NTM: variants seen among roughly 807,000 people sequenced by gnomAD.
The protein encoded by NTM is neurotrimin, also known as IgLON family member 2.
A neutral mutation model predicts 42.1 loss-of-function variants in NTM; 13 were observed. The ratio of observed to expected loss-of-function variants is 0.31; its 90% confidence interval spans 0.20 to 0.49. The LOEUF (loss-of-function observed/expected upper bound fraction) is 0.49, where lower values mean the gene tolerates loss of function less well. NTM is among the 20% of genes least tolerant of loss of function. NTM has a pLI of 0.99. For missense variants in NTM, 373 were observed against 452.8 expected (o/e 0.82, Z 1.60); for synonymous variants, 187 against 179.2 (o/e 1.04, Z -0.35).
intron 1 of NTM, among the ~76,000 whole-genome samples, chr11:131,619,503 T>C (rs181861781): frequency 1.2e-3 from 181 of 152,208 alleles, no homozygotes; most frequent in Non-Finnish European, 1.9e-3. Flanking sequence ...AAGAAAGAAA[T>C]TGAAAGTAGA....
At chr11:131,800,709 T>A (rs984859607) in intron 1 of NTM, among the ~76,000 whole-genome samples, 1 of 152,138 alleles carries the variant, frequency 6.6e-6, no homozygotes, top group Non-Finnish European at 1.5e-5. Context: ...TCTCCCCCGC[T>A]CTATGGTTGC....
intron 1 of NTM, among the ~76,000 whole-genome samples, chr11:131,905,740 C>T (rs1282853910): frequency 6.6e-5 from 10 of 152,242 alleles, no homozygotes; most frequent in South Asian, 2.1e-4. Context: ...GGGAGGCCCA[C>T]GTTACTTTTG....
chr11:131,594,641 C>T (rs894525596), intron 1 of NTM, among the ~76,000 whole-genome samples: 10 of 152,192 alleles, frequency 6.6e-5, no homozygotes, highest in African/African-American at 2.4e-4. Flanking sequence ...TCAAGCCGTC[C>T]TCTTACCTCA....
At chr11:131,637,644 T>C (rs771067034) in intron 1 of NTM, among the ~76,000 whole-genome samples, 6 of 151,744 alleles carry the variant, frequency 4.0e-5, no homozygotes, top group Non-Finnish European at 8.8e-5. Flanking sequence ...GGGTAGTAAT[T>C]ATCTGCTCAT....
At chr11:131,937,016 A>G (rs1245847167) in intron 2 of NTM, among the ~76,000 whole-genome samples, 2 of 152,244 alleles carry the variant, frequency 1.3e-5, no homozygotes, top group African/African-American at 4.8e-5. Context: ...TCTTAGGTCC[A>G]AAGAAAAAGG....
At chr11:132,030,296 C>G (rs2075750561) in intron 2 of NTM, among the ~76,000 whole-genome samples, 1 of 152,140 alleles carries the variant, frequency 6.6e-6, no homozygotes, top group African/African-American at 2.4e-5. Flanking sequence ...TGTGTCTAAG[C>G]TAGTCCAATT....
In NTM at chr11:132,330,143, T is replaced by TTTC. The variant is rs2095772446; in HGVS notation, c.935-7_935-5dup. 1.3e-6 allele frequency: 2 copies of TTTC among 1,551,600 alleles called. No individual in the cohort carries two copies. Among genetic ancestry groups the TTTC allele is most frequent in the African/African-American group, 2.7e-5 (2 of 73,056 alleles). On this transcript the variant is annotated splice_polypyrimidine_tract_variant and intron_variant, in intron 7 of 8. Coordinates refer to ENST00000683400, the MANE Select transcript of NTM (RefSeq NM_001352005.2). The stretch of plus-strand genomic sequence containing the variant: ...GACCTTAACAGTGGCTTGTTTTTAA[T>TTTC]TTCTTTTAGAAGTGAAAACTACAGC...
chr11:132,160,407 C>T (rs967077594), intron 3 of NTM, among the ~76,000 whole-genome samples: 7 of 152,198 alleles, frequency 4.6e-5, no homozygotes, highest in African/African-American at 1.7e-4. Context: ...CCCTTCACCC[C>T]TCTCCTACCA....
At chr11:131,582,991 A>G (rs2058548710) in intron 1 of NTM, among the ~76,000 whole-genome samples, 1 of 152,212 alleles carries the variant, frequency 6.6e-6, no homozygotes, top group Non-Finnish European at 1.5e-5. Flanking sequence ...CTGTAGGACG[A>G]TGGCTCCGAA....
intron 2 of NTM, among the ~76,000 whole-genome samples, chr11:131,965,197 G>T (rs1049721648): frequency 6.6e-6 from 1 of 152,118 alleles, no homozygotes; most frequent in African/African-American, 2.4e-5. Flanking sequence ...AGAGTATCAG[G>T]AGGAACATAT....
At chr11:132,112,791 A>G (rs1437387256) in intron 2 of NTM, among the ~76,000 whole-genome samples, 1 of 151,838 alleles carries the variant, frequency 6.6e-6, no homozygotes, top group East Asian at 1.9e-4. Context: ...TTAGCAGGAG[A>G]GGCTGCTGAT....
chr11:131,576,690 C>T (rs935947695), intron 1 of NTM, among the ~76,000 whole-genome samples: 9 of 152,174 alleles, frequency 5.9e-5, no homozygotes, highest in Non-Finnish European at 1.3e-4. Context: ...TTCCAAGACC[C>T]TTCCAAGAAT....
chr11:131,734,739 A>C (rs1443813980), intron 1 of NTM, among the ~76,000 whole-genome samples: 1 of 152,216 alleles, frequency 6.6e-6, no homozygotes, highest in African/African-American at 2.4e-5. Flanking sequence ...ATCATTATTA[A>C]TAAACTAAAT....
At chr11:132,304,468 C>T (rs1213642989) in intron 4 of NTM, among the ~76,000 whole-genome samples, 1 of 151,858 alleles carries the variant, frequency 6.6e-6, no homozygotes, top group Non-Finnish European at 1.5e-5. Flanking sequence ...TGATAAAGCA[C>T]TGATCACTTC....
chr11:131,651,421 C>T (rs2134340374), intron 1 of NTM, among the ~76,000 whole-genome samples: 1 of 152,320 alleles, frequency 6.6e-6, no homozygotes, highest in Middle Eastern at 3.4e-3. Flanking sequence ...CCATAGTAAA[C>T]TTTAAGCAAG....
chr11:132,037,990 TA>T (rs2076713220), intron 2 of NTM, among the ~76,000 whole-genome samples: 1 of 152,216 alleles, frequency 6.6e-6, no homozygotes. Flanking sequence ...ATTAACTATG[TA>T]AATAGGCAGA....
intron 1 of NTM, among the ~76,000 whole-genome samples, chr11:131,580,415 C>T (rs1008376357): frequency 4.6e-5 from 7 of 152,168 alleles, no homozygotes; most frequent in African/African-American, 1.7e-4. Flanking sequence ...CTCCCACCAC[C>T]TGCCACACCT....
At position 131,673,370 on chromosome 11, in the gene NTM, C is replaced by G. The variant is rs184553435; in HGVS notation, c.83-238194C>G. Among the ~76,000 whole-genome samples the G allele has an allele frequency of 1.1e-3, 165 of 152,252 alleles. 1 individual carries two copies. The highest frequency in any genetic ancestry group is 3.9e-3 in the African/African-American group (162 of 41,542). On this transcript the variant is annotated intron_variant, in intron 1 of 8. Coordinates refer to ENST00000683400, the MANE Select transcript of NTM (RefSeq NM_001352005.2). The stretch of plus-strand genomic sequence containing the variant: ...AAGGAGGCTGGTGGCCTTCTCTGAG[C>G]AGGGCATTATGGTGGCCCCAAAAGG...
chr11:131,733,613 G>A (rs191196264), intron 1 of NTM, among the ~76,000 whole-genome samples: 2 of 151,962 alleles, frequency 1.3e-5, no homozygotes, highest in Admixed American at 1.3e-4. Flanking sequence ...CTGGCTCACT[G>A]CAACCTCTGC....
Sources: gnomAD v4.1 joint callset for allele counts (sites outside exome capture counted in the v4.1 genomes callset) on GRCh38, gnomAD v4.1.1 for gene constraint, MANE v1.5 for transcripts, NCBI Gene and HGNC (gene_info 2026-07-23, HGNC 2026-07-21) for gene names.